CEP128: variants seen among roughly 807,000 people sequenced by gnomAD.
The protein encoded by CEP128 is centrosomal protein 128.
CEP128 carries 132 observed loss-of-function variants against 156.7 expected under a neutral mutation model. The ratio of observed to expected loss-of-function variants is 0.84; its 90% confidence interval spans 0.73 to 0.97. CEP128 has a LOEUF of 0.97. Among genes scored for constraint, CEP128 ranks in the 50% least tolerant of loss-of-function variants. The pLI, the probability that CEP128 is intolerant of heterozygous loss-of-function variation, is 0.00. For missense variants in CEP128, 1,252 were observed against 1,281.9 expected (o/e 0.98, Z 0.36); for synonymous variants, 469 against 448.9 (o/e 1.04, Z -0.57).
intron 19 of CEP128, among the ~76,000 whole-genome samples, chr14:80,656,940 AT>A (rs1395009521): frequency 1.3e-5 from 2 of 152,146 alleles, no homozygotes; most frequent in African/African-American, 4.8e-5. Flanking sequence ...AAGTCCATTC[AT>A]TTTCTTAAAT....
intron 2 of CEP128, among the ~76,000 whole-genome samples, chr14:80,919,410 C>A (rs557192829): frequency 2.0e-5 from 3 of 152,118 alleles, no homozygotes; most frequent in African/African-American, 4.8e-5. Flanking sequence ...GACATATGTA[C>A]CTTTGAGAGT....
intron 19 of CEP128, among the ~76,000 whole-genome samples, chr14:80,592,270 T>C (rs1892108316): frequency 1.3e-5 from 2 of 151,928 alleles, no homozygotes; most frequent in Admixed American, 6.6e-5. Flanking sequence ...ATTAATAAGG[T>C]AGAAAACAGG....
intron 2 of CEP128, among the ~76,000 whole-genome samples, chr14:80,953,970 A>T (rs1001879193): frequency 5.9e-5 from 9 of 152,098 alleles, no homozygotes; most frequent in South Asian, 2.1e-4. Context: ...GGTAATTTTT[A>T]AAAAAACAAC....
At chr14:80,631,927 T>C (rs1893975420) in intron 19 of CEP128, among the ~76,000 whole-genome samples, 1 of 152,028 alleles carries the variant, frequency 6.6e-6, no homozygotes, top group South Asian at 2.1e-4. Context: ...ATATCCAAAG[T>C]ACCTAGAACA....
chr14:80,936,058 T>G (rs1453292244), intron 2 of CEP128, among the ~76,000 whole-genome samples: 1 of 152,240 alleles, frequency 6.6e-6, no homozygotes, highest in Non-Finnish European at 1.5e-5. Flanking sequence ...GAGTCCACCC[T>G]GCTCCAGCAC....
At chr14:80,880,647 GA>G (rs1888488479) in intron 8 of CEP128, among the ~76,000 whole-genome samples, 1 of 151,312 alleles carries the variant, frequency 6.6e-6, no homozygotes, top group African/African-American at 2.4e-5. Flanking sequence ...ACGAGGTCAG[GA>G]GATCAAGACC....
intron 19 of CEP128, among the ~76,000 whole-genome samples, chr14:80,593,634 C>T (rs936006883): frequency 1.3e-5 from 2 of 151,212 alleles, no homozygotes; most frequent in Non-Finnish European, 2.9e-5. Flanking sequence ...TCTCAGGATA[C>T]AAAATCAATA....
chr14:80,894,765 G>T (rs1889269267), intron 8 of CEP128: 2 of 304,904 alleles, frequency 6.6e-6, no homozygotes, highest in Non-Finnish European at 1.3e-5. Context: ...CACTACAAGA[G>T]AAATTTTCAA....
At chr14:80,661,776 T>C (rs1309990710) in intron 19 of CEP128, among the ~76,000 whole-genome samples, 1 of 152,208 alleles carries the variant, frequency 6.6e-6, no homozygotes. Flanking sequence ...TGCTTTATAC[T>C]TTATAATTCA....
intron 2 of CEP128, among the ~76,000 whole-genome samples, chr14:80,951,689 C>G (rs774936649): frequency 6.6e-6 from 1 of 151,986 alleles, no homozygotes; most frequent in Non-Finnish European, 1.5e-5. Flanking sequence ...TGTAAATGAT[C>G]TATACAAACC....
At chr14:80,769,502 C>A (rs988980464) in intron 16 of CEP128, among the ~76,000 whole-genome samples, 1 of 151,840 alleles carries the variant, frequency 6.6e-6, no homozygotes, top group African/African-American at 2.4e-5. Flanking sequence ...TGAGAACATG[C>A]GGTGTTTGAT....
At chr14:80,864,224 A>G (rs1324563971) in intron 8 of CEP128, among the ~76,000 whole-genome samples, 1 of 152,204 alleles carries the variant, frequency 6.6e-6, no homozygotes, top group Non-Finnish European at 1.5e-5. Context: ...TGTTATTGTC[A>G]AGGCTTCCTG....
At chr14:80,643,904 G>A (rs1033072955) in intron 19 of CEP128, among the ~76,000 whole-genome samples, 6 of 152,228 alleles carry the variant, frequency 3.9e-5, no homozygotes, top group African/African-American at 1.4e-4. Flanking sequence ...ATCTCAAAAT[G>A]GGACTTTATT....
At chr14:80,512,388 T>C (rs965889190) in intron 23 of CEP128, among the ~76,000 whole-genome samples, 4 of 152,066 alleles carry the variant, frequency 2.6e-5, no homozygotes, top group African/African-American at 9.7e-5. Context: ...TTTTCTGATA[T>C]AAGTATAGCT....
intron 8 of CEP128, among the ~76,000 whole-genome samples, chr14:80,872,047 T>C (rs1272339982): frequency 6.6e-6 from 1 of 152,144 alleles, no homozygotes; most frequent in Non-Finnish European, 1.5e-5. Flanking sequence ...ACAGAATTCT[T>C]ATAAACTCTA....
intron 19 of CEP128, among the ~76,000 whole-genome samples, chr14:80,666,237 C>T (rs998926100): frequency 2.0e-5 from 3 of 152,242 alleles, no homozygotes; most frequent in African/African-American, 7.2e-5. Flanking sequence ...GATTAGATAT[C>T]CAAATTCTGC....
intron 19 of CEP128, among the ~76,000 whole-genome samples, chr14:80,622,170 TA>T (rs1247542880): frequency 6.6e-6 from 1 of 152,190 alleles, no homozygotes; most frequent in Non-Finnish European, 1.5e-5. Context: ...TTTATGTGGC[TA>T]AAAATAGGTA....
chr14:80,564,032 T>G (rs1368260445), intron 20 of CEP128, among the ~76,000 whole-genome samples: 1 of 152,186 alleles, frequency 6.6e-6, no homozygotes, highest in Non-Finnish European at 1.5e-5. Flanking sequence ...TGTAAAATTC[T>G]AAGTGGGAGT....
intron 12 of CEP128, among the ~76,000 whole-genome samples, chr14:80,831,856 CCTT>C (rs1248673957): frequency 6.6e-6 from 1 of 152,124 alleles, no homozygotes; most frequent in Non-Finnish European, 1.5e-5. Flanking sequence ...GACTATAATA[CCTT>C]CTTCTAATAT....
Sources: allele counts gnomAD v4.1 joint callset (sites outside exome capture counted in the v4.1 genomes callset), GRCh38; gene constraint gnomAD v4.1.1; transcripts MANE v1.5; gene names NCBI Gene and HGNC (gene_info 2026-07-23, HGNC 2026-07-21).